Variants in CHLSN observed in about 807,000 individuals in gnomAD.
CHLSN encodes cholesin, also known as protein cholesin.
At chr7:1,050,360 A>C in the CHLSN span, among the ~76,000 whole-genome samples, 1 of 152,362 alleles carries the variant, frequency 6.6e-6, no homozygotes, top group South Asian at 2.1e-4. Context: ...GGAGCCGTCC[A>C]CCTGCGGCGG....
At chr7:1,070,578 G>A in the CHLSN span, among the ~76,000 whole-genome samples, 2 of 130,304 alleles carry the variant, frequency 1.5e-5, no homozygotes, top group South Asian at 2.6e-4. Context: ...ACGCAAACAC[G>A]CACACACGGA....
At chr7:1,092,172 C>T in the CHLSN span, 1 of 1,613,458 alleles carries the variant, frequency 6.2e-7, no homozygotes, top group Non-Finnish European at 8.5e-7. Context: ...TCTTCTTCCT[C>T]ACCTGGATGA....
chr7:997,814 A>G, the CHLSN span: 3 of 1,602,882 alleles, frequency 1.9e-6, no homozygotes, highest in African/African-American at 4.1e-5. Flanking sequence ...CCTGGACGGG[A>G]AAGAGATCGA....
chr7:1,092,767 G>C, the CHLSN span: 3 of 1,613,616 alleles, frequency 1.9e-6, no homozygotes, highest in South Asian at 3.3e-5. Context: ...AAATTTGCCG[G>C]CCCTGAACCG....
chr7:998,457 CTTTTTTTTTT>C, the CHLSN span, among the ~76,000 whole-genome samples: 2,819 of 95,172 alleles, frequency 0.03, 94 homozygotes, highest in African/African-American at 0.1. Context: ...GTCTTAGATT[CTTTTTTTTTT>C]TTTTTTTTTT....
At chr7:1,015,800 G>A in the CHLSN span, among the ~76,000 whole-genome samples, 2 of 152,230 alleles carry the variant, frequency 1.3e-5, no homozygotes, top group African/African-American at 2.4e-5. Flanking sequence ...GGGCTTCCTC[G>A]GTGGGCAGCT....
chr7:1,001,773 G>C, the CHLSN span, among the ~76,000 whole-genome samples: 2 of 120,596 alleles, frequency 1.7e-5, no homozygotes, highest in South Asian at 6.3e-4. Flanking sequence ...CTGCGGGTGA[G>C]TGGAGTCCTG....
chr7:1,002,825 G>A, the CHLSN span, among the ~76,000 whole-genome samples: 1 of 91,138 alleles, frequency 1.1e-5, no homozygotes, highest in Non-Finnish European at 2.3e-5. Context: ...GAGTCCTGTG[G>A]GTGAGTGGAG....
At chr7:1,016,604 TACAGCAGC>T in the CHLSN span, among the ~76,000 whole-genome samples, 1 of 24,928 alleles carries the variant, frequency 4.0e-5, no homozygotes, top group African/African-American at 2.4e-4. Flanking sequence ...CACAGCAGCG[TACAGCAGC>T]GCACGCCAGA....
the CHLSN span, chr7:997,481 G>A: frequency 1.3e-4 from 90 of 667,018 alleles, no homozygotes; most frequent in Non-Finnish European, 1.9e-4. Flanking sequence ...TGGTGATCCC[G>A]GCCCCCACCA....
At chr7:1,037,532 C>G in the CHLSN span, among the ~76,000 whole-genome samples, 21 of 144,866 alleles carry the variant, frequency 1.4e-4, 1 homozygote, top group African/African-American at 5.2e-4. Context: ...CAGACGGAGT[C>G]TCGTTCACTC....
chr7:1,125,099 G>A, the CHLSN span, among the ~76,000 whole-genome samples: 1 of 152,234 alleles, frequency 6.6e-6, no homozygotes, highest in Non-Finnish European at 1.5e-5. Flanking sequence ...TGCAGCCACA[G>A]ACGTGGTGGA....
chr7:1,090,218 T>C, the CHLSN span, among the ~76,000 whole-genome samples: 2 of 152,250 alleles, frequency 1.3e-5, no homozygotes, highest in Admixed American at 6.5e-5. Context: ...CTGCTGGGCT[T>C]GGGCACCTGT....
At chr7:1,069,124 G>C in the CHLSN span, among the ~76,000 whole-genome samples, 3 of 152,176 alleles carry the variant, frequency 2.0e-5, no homozygotes, top group Non-Finnish European at 4.4e-5. Context: ...CCTGAGGTCT[G>C]GAGTTCGAGA....
the CHLSN span, among the ~76,000 whole-genome samples, chr7:1,073,007 G>A: frequency 6.6e-6 from 1 of 152,136 alleles, no homozygotes; most frequent in Non-Finnish European, 1.5e-5. Flanking sequence ...GGTCAGTATG[G>A]TAATCTGTAT....
the CHLSN span, chr7:1,000,681 A>C: frequency 2.8e-6 from 2 of 703,814 alleles, no homozygotes; most frequent in Non-Finnish European, 4.7e-6. Flanking sequence ...CCAAGGCCTC[A>C]TGTGAAGAGG....
At chr7:1,061,479 C>G in the CHLSN span, among the ~76,000 whole-genome samples, 1 of 152,124 alleles carries the variant, frequency 6.6e-6, no homozygotes, top group Non-Finnish European at 1.5e-5. Context: ...CCACTGAGCG[C>G]CAAGGCCTCC....
At chr7:1,072,468 G>A in the CHLSN span, among the ~76,000 whole-genome samples, 5 of 152,198 alleles carry the variant, frequency 3.3e-5, no homozygotes, top group Non-Finnish European at 7.3e-5. Context: ...AGGGCTGTGC[G>A]TTCTGCTTCT....
At chr7:978,762 C>T in the CHLSN span, among the ~76,000 whole-genome samples, 3 of 152,242 alleles carry the variant, frequency 2.0e-5, no homozygotes, top group Non-Finnish European at 4.4e-5. Context: ...GCCGTGTTCG[C>T]GTTATCTGCC....
Sources: gnomAD v4.1 joint callset for allele counts (sites outside exome capture counted in the v4.1 genomes callset) on GRCh38, gnomAD v4.1.1 for gene constraint, MANE v1.5 for transcripts, NCBI Gene and HGNC (gene_info 2026-07-23, HGNC 2026-07-21) for gene names.